CEMIP2: variants seen among roughly 807,000 people sequenced by gnomAD.
The protein encoded by CEMIP2 is cell surface hyaluronidase CEMIP2.
A neutral mutation model predicts 146.9 loss-of-function variants in CEMIP2; 79 were observed. The ratio of observed to expected loss-of-function variants is 0.54; its 90% confidence interval spans 0.45 to 0.65. The LOEUF (loss-of-function observed/expected upper bound fraction) is 0.65, where lower values mean the gene tolerates loss of function less well. Among genes scored for constraint, CEMIP2 ranks in the 30% least tolerant of loss-of-function variants. CEMIP2 has a pLI of 0.00. For synonymous variants in CEMIP2, 601 were observed against 606.3 expected, an observed-to-expected ratio of 0.99 and a Z score of 0.13; for missense variants, 1,596 against 1,696.2, an observed-to-expected ratio of 0.94 and a Z score of 1.04.
chr9:71,698,811 A>C (rs1822472765), intron 19 of CEMIP2, among the ~76,000 whole-genome samples: 1 of 152,184 alleles, frequency 6.6e-6, no homozygotes, highest in South Asian at 2.1e-4. Flanking sequence ...GCCAAGATGA[A>C]TGAAAAAGTC....
intron 21 of CEMIP2, among the ~76,000 whole-genome samples, chr9:71,694,021 A>G (rs11142961): frequency 0.3 from 45,458 of 152,128 alleles, 6,855 homozygotes; most frequent in East Asian, 0.37. Flanking sequence ...CAGGCTCACC[A>G]GACACTCAAT....
At chr9:71,765,803 TC>T (rs1292195204) in intron 1 of CEMIP2, among the ~76,000 whole-genome samples, 1 of 152,162 alleles carries the variant, frequency 6.6e-6, no homozygotes, top group Non-Finnish European at 1.5e-5. Context: ...GTATCTTCAA[TC>T]CCTGTGGCCT....
chr9:71,755,381 A>ACACACACACACACAC (rs55856832), intron 1 of CEMIP2, among the ~76,000 whole-genome samples: 17 of 149,220 alleles, frequency 1.1e-4, no homozygotes, highest in East Asian at 4.0e-4. Context: ...ACACACACAC[A>ACACACACACACACAC]AAATTAAATC....
chr9:71,701,295 A>G (rs1589131693), intron 18 of CEMIP2, among the ~76,000 whole-genome samples: 1 of 152,100 alleles, frequency 6.6e-6, no homozygotes, highest in Non-Finnish European at 1.5e-5. Context: ...TAGTAGAGAC[A>G]GGGTTTCACC....
In CEMIP2 at chr9:71,712,220, T is replaced by C. The variant is rs200613664; in HGVS notation, c.2632A>G (p.Ile878Val). 12 of 1,614,182 alleles carry C rather than the reference T, an allele frequency of 7.4e-6. No homozygotes were observed. The African/African-American group carries it at 8.0e-5, about 11-fold the overall frequency. The part of the protein sequence containing the change: ...IRGFQIYDGP[I>V]HLTRSTFKKY... ...TTGAAAGTGCTCCTTGTGAGATGAA[T>C]GGGCCCATCATAAATCTGAAAGCCT... Residue 878 changes from isoleucine to valine, a missense_variant, in exon 16 of 24, where the codon ATT becomes GTT. Transcript: ENST00000377044.
At chr9:71,700,960 C>A (rs1367331155) in intron 18 of CEMIP2, 136 bp from the exon 19 acceptor site, 6 of 783,948 alleles carry the variant, frequency 7.7e-6, no homozygotes, top group Non-Finnish European at 1.1e-5. Flanking sequence ...CCTTAAATTT[C>A]TTCTGTGTGT....
intron 1 of CEMIP2, among the ~76,000 whole-genome samples, chr9:71,763,248 C>A (rs1261288311): frequency 2.0e-5 from 3 of 152,080 alleles, no homozygotes; most frequent in Non-Finnish European, 4.4e-5. Flanking sequence ...ATTACAGAGA[C>A]CATTAAGACA....
rs1824865314 is a variant in CEMIP2, at chr9:71,768,365, A to C, written c.-21T>G. The C allele has an allele frequency of 6.6e-6, 1 of 151,914 alleles. No homozygotes were observed. The highest frequency in any genetic ancestry group is 2.4e-5 in the African/African-American group (1 of 41,332). The allele number at this position is 151,914 out of a possible 1,614,324, so 9.4% of individuals were successfully genotyped here. A position where few individuals can be genotyped will look rare whatever the true frequency, so the allele number is the denominator to read the frequency against. ...ACCGAGTCGCTTCTTACCTTCCCCT[A>C]CCCCGCTTAGCGTCCGTTAACTCAG... On this transcript the variant is annotated 5_prime_UTR_variant, in exon 1 of 24. Coordinates refer to ENST00000377044, the MANE Select transcript of CEMIP2 (RefSeq NM_013390.3).
intron 4 of CEMIP2, among the ~76,000 whole-genome samples, chr9:71,742,145 T>C (rs149718936): frequency 1.3e-5 from 2 of 152,314 alleles, no homozygotes; most frequent in Non-Finnish European, 2.9e-5. Context: ...TGGCTAGATA[T>C]TCACAGATAA....
chr9:71,746,151 C>A (rs1564022857), intron 3 of CEMIP2, 50 bp downstream of exon 3: 2 of 1,583,980 alleles, frequency 1.3e-6, no homozygotes, highest in East Asian at 2.3e-5. Flanking sequence ...AAATATCCCC[C>A]ACATTAAAGA....
chr9:71,752,822 TGG>T lies in CEMIP2; in HGVS notation c.-12-2439_-12-2438del, dbSNP rs1335813421. ...AGGACCCAAACGACCTGGAAATTAA[TGG>T]GGGCAGAAAGAGAATCTAATCAGGA... is the stretch of plus-strand genomic sequence containing the variant. On this transcript the variant is annotated intron_variant, in intron 1 of 23. Transcript: ENST00000377044. Among the ~76,000 whole-genome samples the T allele has an allele frequency of 3.3e-5, 5 of 152,188 alleles. No homozygotes were observed. In the East Asian group the frequency reaches 9.7e-4, roughly 29 times the overall value.
intron 22 of CEMIP2, 122 bp from the exon 23 acceptor site, chr9:71,685,968 A>T: frequency 1.4e-6 from 1 of 695,802 alleles, no homozygotes; most frequent in Non-Finnish European, 2.4e-6. Flanking sequence ...GAACTCCAAA[A>T]AGAAAAAAGT....
chr9:71,719,181 T>G (rs1275036997), intron 12 of CEMIP2, among the ~76,000 whole-genome samples: 1 of 151,864 alleles, frequency 6.6e-6, no homozygotes, highest in African/African-American at 2.4e-5. Flanking sequence ...ATTCAACAGG[T>G]AGAGATTTTC....
chr9:71,750,345 G>T lies in CEMIP2; in HGVS notation c.29C>A (p.Ser10Tyr), dbSNP rs116922187. The change falls in exon 2 of 24, where the codon TCC (serine) becomes TAC (tyrosine). Residue 10 changes from serine (S) to tyrosine (Y), a missense_variant. Coordinates refer to ENST00000377044, the MANE Select transcript of CEMIP2 (RefSeq NM_013390.3). ...ATTCTGAGGTTGGAGGAAAGCAGGG[G>T]AGTGTCCCCTGGAATCAGTGGCATA... Reference protein sequence around the residue: MYATDSRGHSPAFLQPQNGN... With the variant: MYATDSRGHYPAFLQPQNGN... The T allele has an allele frequency of 2.8e-4, 449 of 1,613,526 alleles. 3 individuals are homozygous for T. In the East Asian group the frequency reaches 9.2e-3, roughly 33 times the overall value.
At chr9:71,735,733 T>C (rs1823742737) in intron 5 of CEMIP2, among the ~76,000 whole-genome samples, 1 of 151,592 alleles carries the variant, frequency 6.6e-6, no homozygotes, top group South Asian at 2.1e-4. Context: ...CAGTGAGCTA[T>C]GATCGGGCCA....
intron 4 of CEMIP2, among the ~76,000 whole-genome samples, chr9:71,744,190 A>T (rs1824007414): frequency 6.6e-6 from 1 of 152,224 alleles, no homozygotes; most frequent in East Asian, 1.9e-4. Context: ...CCTGGGCAAC[A>T]AAGTGAGACC....
At chr9:71,757,115 C>A (rs1824483076) in intron 1 of CEMIP2, among the ~76,000 whole-genome samples, 1 of 152,108 alleles carries the variant, frequency 6.6e-6, no homozygotes, top group African/African-American at 2.4e-5. Flanking sequence ...ATCATCAGTC[C>A]CCCAAATAAT....
chr9:71,723,164 T>C (rs865832647), intron 11 of CEMIP2, among the ~76,000 whole-genome samples: 2 of 118,294 alleles, frequency 1.7e-5, no homozygotes, highest in African/African-American at 5.8e-5. Context: ...AAAACCATGA[T>C]GGACAAACAA....
chr9:71,747,325 C>T (rs1824119972), intron 2 of CEMIP2, among the ~76,000 whole-genome samples: 1 of 152,082 alleles, frequency 6.6e-6, no homozygotes, highest in African/African-American at 2.4e-5. Flanking sequence ...GGAAAAAACA[C>T]CAAGTATGAA....
Sources: gnomAD v4.1 joint callset for allele counts (sites outside exome capture counted in the v4.1 genomes callset) on GRCh38, gnomAD v4.1.1 for gene constraint, MANE v1.5 for transcripts, NCBI Gene and HGNC (gene_info 2026-07-23, HGNC 2026-07-21) for gene names.